ADAMTSL3: variants seen among roughly 807,000 people sequenced by gnomAD.
The protein encoded by ADAMTSL3 is ADAMTS like 3.
A neutral mutation model predicts 201.7 loss-of-function variants in ADAMTSL3; 128 were observed. The observed-to-expected ratio is 0.63, with a 90% CI of 0.55 to 0.73. The LOEUF (loss-of-function observed/expected upper bound fraction) is 0.73, where lower values mean the gene tolerates loss of function less well. ADAMTSL3 is among the 30% of genes least tolerant of loss of function. The pLI is 0.00. For synonymous variants in ADAMTSL3, 738 were observed against 748.4 expected, an observed-to-expected ratio of 0.99 and a Z score of 0.23; for missense variants, 1,990 against 2,119.6, an observed-to-expected ratio of 0.94 and a Z score of 1.20.
At chr15:83,883,553 T>G (rs2065322648) in intron 9 of ADAMTSL3, among the ~76,000 whole-genome samples, 2 of 151,872 alleles carry the variant, frequency 1.3e-5, no homozygotes. Context: ...TTTTAGAGAT[T>G]TTTCTTTTTC....
In ADAMTSL3 at chr15:83,826,323, A is replaced by G. The variant is rs180787600; in HGVS notation, c.600+6276A>G. On this transcript the variant is annotated intron_variant, in intron 6 of 29. Coordinates refer to ENST00000286744, the MANE Select transcript of ADAMTSL3 (RefSeq NM_207517.3). ...TTTTTTGTAGAGATCAGGTCTCACT[A>G]TGTTGCCCAGGCTGATCTCCAAGTC... Among the ~76,000 whole-genome samples the G allele has an allele frequency of 3.0e-3, 448 of 151,772 alleles. 6 individuals carry two copies. Among genetic ancestry groups the G allele is most frequent in the Middle Eastern group, 6.8e-3 (2 of 294 alleles).
chr15:83,841,461 G>A (rs1160091268), intron 7 of ADAMTSL3, among the ~76,000 whole-genome samples: 1 of 152,052 alleles, frequency 6.6e-6, no homozygotes, highest in South Asian at 2.1e-4. Context: ...CACTTCCATG[G>A]GTATCTTGGA....
chr15:84,000,929 G>A (rs1426454358), intron 23 of ADAMTSL3, among the ~76,000 whole-genome samples: 3 of 152,178 alleles, frequency 2.0e-5, no homozygotes, highest in South Asian at 4.1e-4. Context: ...TGCTGAAACC[G>A]ATGGACTTCA....
chr15:83,952,034 G>C (rs2066768299), intron 19 of ADAMTSL3, among the ~76,000 whole-genome samples: 1 of 152,068 alleles, frequency 6.6e-6, no homozygotes, highest in South Asian at 2.1e-4. Flanking sequence ...TTCTAGCTAA[G>C]ATGTATTGTT....
At chr15:83,852,541 A>G (rs1422997617) in intron 7 of ADAMTSL3, among the ~76,000 whole-genome samples, 1 of 152,150 alleles carries the variant, frequency 6.6e-6, no homozygotes, top group Non-Finnish European at 1.5e-5. Flanking sequence ...GCATGTCTTT[A>G]TGTGCTTTTA....
At chr15:83,704,075 A>C (rs538925739) in intron 2 of ADAMTSL3, among the ~76,000 whole-genome samples, 1 of 152,192 alleles carries the variant, frequency 6.6e-6, no homozygotes, top group Admixed American at 6.5e-5. Context: ...ACAACAAGAC[A>C]AAGTTAACTA....
intron 9 of ADAMTSL3, among the ~76,000 whole-genome samples, chr15:83,884,584 T>A (rs1044395225): frequency 3.9e-5 from 6 of 152,136 alleles, no homozygotes; most frequent in Non-Finnish European, 8.8e-5. Flanking sequence ...CCCCATTTCC[T>A]TTTAATTAGA....
At chr15:83,719,970 A>C (rs963464309) in intron 3 of ADAMTSL3, among the ~76,000 whole-genome samples, 1 of 152,198 alleles carries the variant, frequency 6.6e-6, no homozygotes, top group African/African-American at 2.4e-5. Flanking sequence ...CTGTAATCCC[A>C]GTACTTTGGG....
intron 3 of ADAMTSL3, among the ~76,000 whole-genome samples, chr15:83,705,776 G>C (rs905069750): frequency 6.6e-6 from 1 of 152,176 alleles, no homozygotes; most frequent in Non-Finnish European, 1.5e-5. Context: ...TCCAGAGCTG[G>C]GACTGGGGTG....
At chr15:83,873,040 C>T (rs918945172) in intron 9 of ADAMTSL3, among the ~76,000 whole-genome samples, 1 of 145,574 alleles carries the variant, frequency 6.9e-6, no homozygotes, top group Non-Finnish European at 1.5e-5. Flanking sequence ...CGTGGTGGCT[C>T]ATGCCTGTAA....
At chr15:84,004,422 C>G (rs538155353) in intron 23 of ADAMTSL3, among the ~76,000 whole-genome samples, 8 of 152,234 alleles carry the variant, frequency 5.3e-5, no homozygotes, top group African/African-American at 1.9e-4. Flanking sequence ...GAAATTATCT[C>G]AAATATCCTC....
At chr15:83,725,007 CA>C (rs1182636130) in intron 3 of ADAMTSL3, among the ~76,000 whole-genome samples, 2 of 151,884 alleles carry the variant, frequency 1.3e-5, no homozygotes. Flanking sequence ...AATAGTGCTG[CA>C]AAAAACATGG....
intron 19 of ADAMTSL3, among the ~76,000 whole-genome samples, chr15:83,949,710 G>A (rs868012001): frequency 1.3e-5 from 2 of 152,088 alleles, no homozygotes; most frequent in East Asian, 3.9e-4. Flanking sequence ...ATTTTAACTG[G>A]AGTGAGATGG....
chr15:83,767,556 C>T (rs773003115), intron 3 of ADAMTSL3, among the ~76,000 whole-genome samples: 9 of 152,220 alleles, frequency 5.9e-5, no homozygotes, highest in Non-Finnish European at 1.3e-4. Context: ...AAAGAGCCAG[C>T]TGATATCAGT....
intron 3 of ADAMTSL3, among the ~76,000 whole-genome samples, chr15:83,769,166 G>C (rs2062938272): frequency 6.6e-6 from 1 of 151,922 alleles, no homozygotes; most frequent in Non-Finnish European, 1.5e-5. Context: ...GAACTGAACA[G>C]ATGGAATAGT....
chr15:83,731,694 A>G (rs1193762177), intron 3 of ADAMTSL3, among the ~76,000 whole-genome samples: 1 of 152,014 alleles, frequency 6.6e-6, no homozygotes, highest in Admixed American at 6.6e-5. Flanking sequence ...AGAAAATGTG[A>G]TGTACATACA....
At chr15:84,027,843 TAA>T (rs368018936) in intron 27 of ADAMTSL3, among the ~76,000 whole-genome samples, 1 of 151,780 alleles carries the variant, frequency 6.6e-6, no homozygotes, top group Non-Finnish European at 1.5e-5. Context: ...CCCATAATAA[TAA>T]AAAAAATGGA....
intron 4 of ADAMTSL3, among the ~76,000 whole-genome samples, chr15:83,793,146 A>G (rs961680175): frequency 2.0e-5 from 3 of 152,182 alleles, no homozygotes; most frequent in Non-Finnish European, 4.4e-5. Context: ...ATCTCGTAGA[A>G]AAAGAGAGTA....
chr15:83,704,344 T>C (rs377763523), intron 2 of ADAMTSL3, 45 bp from the exon 3 acceptor site: 41 of 1,613,244 alleles, frequency 2.5e-5, no homozygotes, highest in Middle Eastern at 3.3e-4. Flanking sequence ...TGTCAGGGGG[T>C]CCTTACTGGA....
Sources: gnomAD v4.1 joint callset for allele counts (sites outside exome capture counted in the v4.1 genomes callset) on GRCh38, gnomAD v4.1.1 for gene constraint, MANE v1.5 for transcripts, NCBI Gene and HGNC (gene_info 2026-07-23, HGNC 2026-07-21) for gene names.